The following BAHCC1 variants were observed in gnomAD, a reference collection of about 807,000 sequenced individuals.
The protein encoded by BAHCC1 is BAH domain and coiled-coil containing 1.
In BAHCC1, 43 loss-of-function variants were observed where a neutral mutation model predicts 88.2. The ratio of observed to expected loss-of-function variants is 0.49; its 90% CI spans 0.38 to 0.63. The LOEUF (loss-of-function observed/expected upper bound fraction) is 0.63, where lower values mean the gene tolerates loss of function less well. Ranked by LOEUF, BAHCC1 falls within the 20% of genes least tolerant of loss-of-function variation. BAHCC1 has a pLI of 0.00. For missense variants in BAHCC1, 3,023 were observed against 1,654.8 expected, an observed-to-expected ratio of 1.83 and a Z score of -14.34; for synonymous variants, 1,510 against 745.5, an observed-to-expected ratio of 2.03 and a Z score of -16.71.
intron 2 of BAHCC1, among the ~76,000 whole-genome samples, chr17:81,410,310 T>C (rs2063934171): frequency 6.6e-6 from 1 of 152,148 alleles, no homozygotes; most frequent in Non-Finnish European, 1.5e-5. Flanking sequence ...GCAGCGAGAC[T>C]CCTGAGGGCC....
intron 10 of BAHCC1, among the ~76,000 whole-genome samples, chr17:81,446,096 G>A (rs117834188): frequency 6.6e-6 from 1 of 152,002 alleles, no homozygotes; most frequent in South Asian, 2.1e-4. Flanking sequence ...CTGGGTGGGG[G>A]GGTCTCGGGC....
rs1568019364 is a variant in BAHCC1 at position 81,443,361 on chromosome 17, C to T, written c.2012C>T (p.Ser671Phe). Residue 671 changes from serine (S) to phenylalanine (F), a missense_variant, in exon 5 of 28, where the codon TCC becomes TTC. Coordinates refer to ENST00000675386, the MANE Select transcript of BAHCC1 (RefSeq NM_001377448.1). ...SCIQQEAKFL[S>F]SKGPGQSERP... Reference sequence around the variant, plus strand: ...ATCCAGCAGGAAGCAAAGTTCCTGTCCTCTAAGGGCCCAGGCCAGTCGGAG... The same window carrying T: ...ATCCAGCAGGAAGCAAAGTTCCTGTTCTCTAAGGGCCCAGGCCAGTCGGAG... 2 of 777,918 alleles carry T rather than the reference C, an allele frequency of 2.6e-6. No homozygotes were observed. The highest frequency in any genetic ancestry group is 1.3e-5 in the South Asian group (1 of 74,422). 48.2% of individuals were successfully genotyped at this position (777,918 alleles called of 1,614,324 possible). A position where few individuals can be genotyped will look rare whatever the true frequency, so the allele number is the denominator to read the frequency against.
chr17:81,416,475 G>A (rs1297915140), intron 2 of BAHCC1, among the ~76,000 whole-genome samples: 1 of 149,028 alleles, frequency 6.7e-6, no homozygotes, highest in Non-Finnish European at 1.5e-5. Flanking sequence ...GTGTGTGTGT[G>A]TGTGTCCATG....
intron 2 of BAHCC1, chr17:81,402,052 T>C (rs917470198): frequency 1.3e-5 from 2 of 152,284 alleles, no homozygotes; most frequent in Non-Finnish European, 2.9e-5. Context: ...CTGGCCTGTG[T>C]CCTCCCTGCT....
intron 3 of BAHCC1, among the ~76,000 whole-genome samples, chr17:81,429,890 C>T (rs2064240853): frequency 2.0e-5 from 3 of 152,090 alleles, no homozygotes; most frequent in African/African-American, 7.2e-5. Flanking sequence ...AGGGCAGCCC[C>T]TCGAGCGGGC....
Position 81,411,236 on chromosome 17 carries a change from G to A in BAHCC1, c.178+11319G>A, listed in dbSNP as rs147870423. ...GCCCAGTGGGGCCCCAGGAGGACTC[G>A]CCACCCCCAGTTGAGCAGCTCCCCT... On this transcript the variant is annotated intron_variant, in intron 2 of 27. Coordinates refer to ENST00000675386, the MANE Select transcript of BAHCC1 (RefSeq NM_001377448.1). This position sits in a 1 kb window ranked among gnomAD's most constrained non-coding sequence, Gnocchi z 6.2. 1.9e-3 allele frequency: 993 copies of A among 509,930 alleles called. 6 individuals are homozygous for A. The highest frequency in any genetic ancestry group is 0.017 in the African/African-American group (880 of 51,830). 31.6% of individuals were successfully genotyped at this position (509,930 alleles called of 1,614,324 possible).
chr17:81,450,167 C>T (rs536234834), intron 11 of BAHCC1, among the ~76,000 whole-genome samples: 10 of 152,272 alleles, frequency 6.6e-5, no homozygotes, highest in Admixed American at 1.3e-4. Context: ...CCAGGGGATA[C>T]CAGCACCTCT....
intron 2 of BAHCC1, among the ~76,000 whole-genome samples, chr17:81,416,708 C>T (rs35463915): frequency 0.2 from 30,180 of 152,184 alleles, 3,206 homozygotes; most frequent in African/African-American, 0.23. Context: ...CTGGCCATCC[C>T]GAGCCTGCAC....
At position 81,451,723 on chromosome 17, in the gene BAHCC1, A is replaced by C. The variant is rs1555655800; in HGVS notation, c.4032A>C (p.Thr1344=). 1.3e-6 allele frequency: 1 copy of C among 776,684 alleles called. No homozygotes were observed. 48.1% of individuals were successfully genotyped at this position (776,684 alleles called of 1,614,324 possible). A position where few individuals can be genotyped will look rare whatever the true frequency, so the allele number is the denominator to read the frequency against. ...FNLQHLATLA[T]AWSLVEAAGL... Reference sequence around the variant, plus strand: ...TGCAGCACCTGGCCACGCTGGCCACAGCCTGGTCCCTGGTGGAGGCCGCTG... The same window carrying C: ...TGCAGCACCTGGCCACGCTGGCCACCGCCTGGTCCCTGGTGGAGGCCGCTG... The change falls in exon 12 of 28, where the codon ACA becomes ACC. Residue 1344 remains threonine, a synonymous_variant. Transcript: ENST00000675386.
Position 81,461,243 on chromosome 17 carries a change from G to T in BAHCC1, c.6580G>T (p.Ala2194Ser). ...LRAKKAERVE[A>S]EKGGRRRAGG... ...GGCTAAGAAGGCCGAGAGGGTGGAG[G>T]CCGAGAAGGGTGGGCGGCGGCGGGC... is the stretch of plus-strand genomic sequence containing the variant. The change falls in exon 26 of 28, where the codon GCC becomes TCC. Residue 2194 changes from alanine to serine, a missense_variant. Transcript: ENST00000675386. The T allele has an allele frequency of 1.4e-6, 1 of 708,386 alleles. No individual in the cohort carries two copies. The allele number at this position is 708,386 out of a possible 1,614,324, so 43.9% of individuals were successfully genotyped here.
chr17:81,464,269 C>T lies in BAHCC1; in HGVS notation c.*452C>T, dbSNP rs1017080232. 4.3e-4 allele frequency: 107 copies of T among 247,452 alleles called. No homozygotes were observed. The highest frequency in any genetic ancestry group is 2.1e-3 in the African/African-American group (96 of 45,194). 15.3% of individuals were successfully genotyped at this position (247,452 alleles called of 1,614,324 possible). ...AAGTGGAAAAGGGTTTTTCCCCATCCGCGTGACAAGGTGTGTGTGAGCGTG... is the reference window on the plus strand; with the variant it reads ...AAGTGGAAAAGGGTTTTTCCCCATCTGCGTGACAAGGTGTGTGTGAGCGTG... On this transcript the variant is annotated 3_prime_UTR_variant, in exon 28 of 28. Coordinates refer to ENST00000675386, the MANE Select transcript of BAHCC1 (RefSeq NM_001377448.1).
At chr17:81,427,383 C>T (rs950222479) in intron 3 of BAHCC1, among the ~76,000 whole-genome samples, 7 of 152,030 alleles carry the variant, frequency 4.6e-5, no homozygotes, top group East Asian at 1.9e-4. Flanking sequence ...AGGAGGGGGC[C>T]GGGGCGGGGA....
chr17:81,453,657 C>A (rs1455957410), intron 14 of BAHCC1, among the ~76,000 whole-genome samples: 1 of 152,072 alleles, frequency 6.6e-6, no homozygotes, highest in African/African-American at 2.4e-5. Context: ...TGGGGTCTCC[C>A]TTTGAGAACC....
At position 81,435,779 on chromosome 17, in the gene BAHCC1, TC is replaced by T. The variant is rs1381102770; in HGVS notation, c.359-2587del. Among the ~76,000 whole-genome samples, 1 of 150,948 alleles carries T rather than the reference TC, an allele frequency of 6.6e-6. No homozygotes were observed. ...CAACCCCTTCCAGGATGCCTGTGTG[TC>T]CCCGGCCCGGCCGCAGCAGCCCTGC... On this transcript the variant is annotated intron_variant, in intron 3 of 27. Coordinates refer to ENST00000675386, the MANE Select transcript of BAHCC1 (RefSeq NM_001377448.1). The surrounding 1 kb of genome is among the most constrained non-coding windows in gnomAD (Gnocchi z 4.4).
chr17:81,444,530 C>A lies in BAHCC1; in HGVS notation c.2474C>A (p.Thr825Asn). Residue 825 changes from threonine (T) to asparagine (N), a missense_variant, in exon 7 of 28, where the codon ACC (threonine) becomes AAC (asparagine). By Grantham distance (65) the Thr-to-Asn change is moderately conservative. Coordinates refer to ENST00000675386, the MANE Select transcript of BAHCC1 (RefSeq NM_001377448.1). Reference sequence around the variant, plus strand: ...CCCCATCCCCCCTGGCTGCCCCGCACCCGCAGCCCCTCCCTGTGGATGGGG... The same window carrying A: ...CCCCATCCCCCCTGGCTGCCCCGCAACCGCAGCCCCTCCCTGTGGATGGGG... The part of the protein sequence containing the change: ...THPHPPWLPR[T>N]RSPSLWMGGH... 1 of 700,936 alleles carries A rather than the reference C, an allele frequency of 1.4e-6. No individual in the cohort carries two copies. Among genetic ancestry groups the A allele is most frequent in the Non-Finnish European group, 2.6e-6 (1 of 383,022 alleles). 43.4% of individuals were successfully genotyped at this position (700,936 alleles called of 1,614,324 possible).
Position 81,399,937 on chromosome 17 carries a change from G to A in BAHCC1, c.178+20G>A. The A allele has an allele frequency of 7.4e-7, 1 of 1,343,738 alleles. No homozygotes were observed. Among genetic ancestry groups the A allele is most frequent in the Non-Finnish European group, 9.6e-7 (1 of 1,045,022 alleles). 83.2% of individuals were successfully genotyped at this position (1,343,738 alleles called of 1,614,324 possible). A position where few individuals can be genotyped will look rare whatever the true frequency, so the allele number is the denominator to read the frequency against. ...ACACAGGTCAGTGCTCGGCCGGGGC[G>A]GGCGCGGGACGGGAGCGTTCGAGAG... On this transcript the variant is annotated intron_variant, in intron 2 of 27. Transcript: ENST00000675386. The surrounding 1 kb of genome is among the most constrained non-coding windows in gnomAD (Gnocchi z 4.5).
chr17:81,406,488 G>T (rs1204578016), intron 2 of BAHCC1, among the ~76,000 whole-genome samples: 1 of 152,180 alleles, frequency 6.6e-6, no homozygotes, highest in African/African-American at 2.4e-5. Flanking sequence ...AAACATCAGA[G>T]CCAGCGTGCA....
chr17:81,436,202 A>G (rs1598480968), intron 3 of BAHCC1, among the ~76,000 whole-genome samples: 1 of 152,070 alleles, frequency 6.6e-6, no homozygotes, highest in Non-Finnish European at 1.5e-5. Context: ...GGATGGGGGC[A>G]CCAGCCAGGC....
Position 81,452,026 on chromosome 17 carries a change from G to C in BAHCC1, c.4235G>C (p.Arg1412Pro). The C allele has an allele frequency of 1.6e-6, 1 of 633,292 alleles. No homozygotes were observed. 39.2% of individuals were successfully genotyped at this position (633,292 alleles called of 1,614,324 possible). Residue 1412 changes from arginine (R) to proline (P), a missense_variant, in exon 13 of 28, where the codon CGC (arginine) becomes CCC (proline). Transcript: ENST00000675386. Reference protein sequence around the residue: ...DRLDTQEVGMRVRLAELQRRY... With the variant: ...DRLDTQEVGMPVRLAELQRRY... Reference sequence around the variant, plus strand: ...CTGGACACGCAGGAGGTGGGGATGCGCGTGCGGCTGGCGGAGCTGCAGCGG... The same window carrying C: ...CTGGACACGCAGGAGGTGGGGATGCCCGTGCGGCTGGCGGAGCTGCAGCGG...
Sources: allele counts gnomAD v4.1 joint callset (sites outside exome capture counted in the v4.1 genomes callset), GRCh38; gene constraint gnomAD v4.1.1; non-coding constraint Gnocchi (gnomAD v3.1); transcripts MANE v1.5; gene names NCBI Gene and HGNC (gene_info 2026-07-23, HGNC 2026-07-21).